Variants in ANKFN1 observed in about 807,000 individuals in gnomAD.
The protein encoded by ANKFN1 is ankyrin repeat and fibronectin type-III domain-containing protein 1.
Under a neutral mutation model 108.7 loss-of-function variants are expected in ANKFN1, and 74 were observed. The ratio of observed to expected loss-of-function variants is 0.68; its 90% CI spans 0.56 to 0.83. ANKFN1 has a LOEUF of 0.83. Ranked by LOEUF, ANKFN1 falls within the 40% of genes least tolerant of loss-of-function variation. The pLI is 0.00. For missense variants in ANKFN1, 1,505 were observed against 1,382.3 expected (o/e 1.09, Z -1.41); for synonymous variants, 547 against 516.2 (o/e 1.06, Z -0.81).
At chr17:56,467,830 GAAAGAAAGAAAGAAAGAAAGAA>G (rs879723496) in intron 15 of ANKFN1, among the ~76,000 whole-genome samples, 15,371 of 68,378 alleles carry the variant, frequency 0.22, 1,312 homozygotes, top group East Asian at 0.47. Flanking sequence ...AAGAAAGAAA[GAAAGAAAGAAAGAAAGAAAGAA>G]AAAGGGAAAG....
intron 2 of ANKFN1, among the ~76,000 whole-genome samples, chr17:56,221,572 T>C (rs1915896020): frequency 6.6e-6 from 1 of 152,206 alleles, no homozygotes; most frequent in Non-Finnish European, 1.5e-5. Context: ...TGGTTAAAAA[T>C]ACATTCAAAT....
chr17:56,324,270 G>A (rs927779934), intron 3 of ANKFN1, among the ~76,000 whole-genome samples: 6 of 152,250 alleles, frequency 3.9e-5, no homozygotes, highest in East Asian at 1.9e-4. Context: ...TCTAAGTAAC[G>A]TTAAAGTATG....
chr17:56,381,234 G>A (rs1441459577), intron 8 of ANKFN1, among the ~76,000 whole-genome samples: 1 of 152,178 alleles, frequency 6.6e-6, no homozygotes, highest in East Asian at 1.9e-4. Flanking sequence ...GGTCCTGTCT[G>A]TTAGAAGGAA....
chr17:56,160,487 C>A (rs890169748), intron 1 of ANKFN1, among the ~76,000 whole-genome samples: 7 of 151,876 alleles, frequency 4.6e-5, no homozygotes, highest in Non-Finnish European at 1.0e-4. Flanking sequence ...GCTATGGAAA[C>A]TTTAGGAGAG....
intron 1 of ANKFN1, among the ~76,000 whole-genome samples, chr17:56,197,031 T>C (rs1913575935): frequency 1.3e-5 from 2 of 152,352 alleles, no homozygotes; most frequent in East Asian, 1.9e-4. Flanking sequence ...AAAAACACTT[T>C]TGTGCTTGTT....
intron 8 of ANKFN1, among the ~76,000 whole-genome samples, chr17:56,421,477 T>C (rs1355483836): frequency 6.6e-6 from 1 of 152,216 alleles, no homozygotes; most frequent in African/African-American, 2.4e-5. Flanking sequence ...CCCAAACCAA[T>C]GGCACTAGGC....
intron 3 of ANKFN1, among the ~76,000 whole-genome samples, chr17:56,312,590 C>G (rs7221133): frequency 0.66 from 99,872 of 151,918 alleles, 34,407 homozygotes; most frequent in East Asian, 0.94. Flanking sequence ...TTCCTTTGCT[C>G]GTCTCCAGTT....
chr17:56,509,999 T>C (rs1159542463), intron 20 of ANKFN1, among the ~76,000 whole-genome samples: 1 of 152,178 alleles, frequency 6.6e-6, no homozygotes. Flanking sequence ...TGAAACCAGG[T>C]TTACCAACTT....
chr17:56,461,267 C>G (rs896954654), intron 14 of ANKFN1, among the ~76,000 whole-genome samples: 4 of 152,152 alleles, frequency 2.6e-5, no homozygotes, highest in East Asian at 1.9e-4. Flanking sequence ...TCTGTGTTCT[C>G]TGTCTTAAAG....
intron 4 of ANKFN1, among the ~76,000 whole-genome samples, chr17:56,114,100 A>G (rs1222858416): frequency 6.6e-6 from 1 of 152,234 alleles, no homozygotes; most frequent in Non-Finnish European, 1.5e-5. Flanking sequence ...CTGTGCCTCC[A>G]ACTGCAAGTC....
At chr17:56,425,726 C>T (rs1233956738) in intron 8 of ANKFN1, among the ~76,000 whole-genome samples, 1 of 152,204 alleles carries the variant, frequency 6.6e-6, no homozygotes. Flanking sequence ...AGGAGCCAGC[C>T]TGTCTAGCAA....
intron 4 of ANKFN1, among the ~76,000 whole-genome samples, chr17:56,050,388 T>G (rs1904754503): frequency 7.0e-6 from 1 of 142,176 alleles, no homozygotes; most frequent in Non-Finnish European, 1.5e-5. Context: ...CAGAAGCTCT[T>G]TAGTTTAATT....
At chr17:56,270,282 G>A (rs2043759255) in intron 3 of ANKFN1, among the ~76,000 whole-genome samples, 1 of 152,166 alleles carries the variant, frequency 6.6e-6, no homozygotes, top group African/African-American at 2.4e-5. Context: ...GCTTGAGACA[G>A]GGCAGCTTGC....
chr17:56,182,104 C>T (rs924309307), intron 1 of ANKFN1, among the ~76,000 whole-genome samples: 1 of 152,172 alleles, frequency 6.6e-6, no homozygotes, highest in Admixed American at 6.5e-5. Flanking sequence ...CATCTGTCTC[C>T]TGTTCCTTGG....
At chr17:56,291,580 G>C (rs2044365943) in intron 3 of ANKFN1, among the ~76,000 whole-genome samples, 1 of 152,190 alleles carries the variant, frequency 6.6e-6, no homozygotes, top group African/African-American at 2.4e-5. Context: ...TAGCTGGGCT[G>C]ACCTGAACAC....
intron 1 of ANKFN1, among the ~76,000 whole-genome samples, chr17:56,186,448 G>T (rs1401199939): frequency 6.6e-6 from 1 of 152,230 alleles, no homozygotes; most frequent in African/African-American, 2.4e-5. Context: ...AGGTTAAGCG[G>T]CTTGTCCAAG....
chr17:56,374,929 T>C (rs533464383), intron 8 of ANKFN1, among the ~76,000 whole-genome samples: 1 of 152,220 alleles, frequency 6.6e-6, no homozygotes, highest in South Asian at 2.1e-4. Flanking sequence ...AAGACCAGGC[T>C]GTCATTTCAA....
In ANKFN1 at chr17:56,514,287, GT is replaced by G. The variant is rs2051853083; in HGVS notation, c.*3019del. Among the ~76,000 whole-genome samples the G allele has an allele frequency of 6.6e-6, 1 of 152,148 alleles. No homozygotes were observed. The highest frequency in any genetic ancestry group is 1.5e-5 in the Non-Finnish European group (1 of 68,022). ...CCCATTGAGATCCAAAGAATCAAGTGTGAAACATAGTCCTAGGCCACAAGAA... is the reference window on the plus strand; with the variant it reads ...CCCATTGAGATCCAAAGAATCAAGTGGAAACATAGTCCTAGGCCACAAGAA... On this transcript the variant is annotated 3_prime_UTR_variant, in exon 21 of 21. Transcript: ENST00000682825.
At chr17:56,212,990 G>GCCTCA (rs2143820648) in intron 2 of ANKFN1, among the ~76,000 whole-genome samples, 1 of 152,324 alleles carries the variant, frequency 6.6e-6, no homozygotes, top group Non-Finnish European at 1.5e-5. Context: ...AAGAGCAGCA[G>GCCTCA]CCTCACATCT....
Sources: allele counts gnomAD v4.1 joint callset (sites outside exome capture counted in the v4.1 genomes callset), GRCh38; gene constraint gnomAD v4.1.1; transcripts MANE v1.5; gene names NCBI Gene and HGNC (gene_info 2026-07-23, HGNC 2026-07-21).